Variants in NME8 observed in about 807,000 individuals in gnomAD.
The protein encoded by NME8 is protein NME8.
A neutral mutation model predicts 82.3 loss-of-function variants in NME8; 72 were observed. The ratio of observed to expected loss-of-function variants is 0.87; its 90% CI spans 0.72 to 1.06. The LOEUF (loss-of-function observed/expected upper bound fraction) is 1.06, where lower values mean the gene tolerates loss of function less well. NME8 is among the 50% of genes least tolerant of loss of function. NME8 has a pLI of 0.00. For missense variants in NME8, 712 were observed against 685.4 expected (o/e 1.04, Z -0.43); for synonymous variants, 267 against 228.5 (o/e 1.17, Z -1.52).
chr7:37,881,735 T>C (rs1439554059), intron 12 of NME8, among the ~76,000 whole-genome samples: 1 of 152,228 alleles, frequency 6.6e-6, no homozygotes, highest in Non-Finnish European at 1.5e-5. Flanking sequence ...ATTGGTGTCA[T>C]TTATTCCTTA....
chr7:37,865,101 C>T (rs1188214113), intron 9 of NME8, among the ~76,000 whole-genome samples: 2 of 152,182 alleles, frequency 1.3e-5, no homozygotes, highest in African/African-American at 4.8e-5. Flanking sequence ...ATCATGGTTT[C>T]TCAATAGTCC....
chr7:37,865,249 G>A (rs1191876246), intron 9 of NME8, among the ~76,000 whole-genome samples: 1 of 152,220 alleles, frequency 6.6e-6, no homozygotes, highest in Non-Finnish European at 1.5e-5. Flanking sequence ...CAATAGGGGT[G>A]CAGGTATTGG....
intron 7 of NME8, 131 bp downstream of exon 7, chr7:37,862,275 A>G: frequency 2.8e-6 from 2 of 708,374 alleles, no homozygotes; most frequent in East Asian, 2.7e-5. Flanking sequence ...TTAAAAAAGT[A>G]CATTACCTTT....
chr7:37,870,853 T>TC (rs1784757313), intron 11 of NME8, among the ~76,000 whole-genome samples: 1 of 152,314 alleles, frequency 6.6e-6, no homozygotes, highest in South Asian at 2.1e-4. Flanking sequence ...GGGGAAGCTT[T>TC]CCCCTGACTT....
rs3841582 is a variant in NME8 at position 37,864,463 on chromosome 7, TAAC to T, written c.528+46_528+48del. On this transcript the variant is annotated intron_variant, in intron 9 of 17. Coordinates refer to ENST00000199447, the MANE Select transcript of NME8 (RefSeq NM_016616.5). Reference sequence around the variant, plus strand: ...AACTATGATTAAATTAATTGCAAAATAACAACCTCTTAATCGTCAGTTCAAAGA... The same window carrying T: ...AACTATGATTAAATTAATTGCAAAATAACCTCTTAATCGTCAGTTCAAAGA... 0.59 allele frequency: 862,854 copies of T among 1,454,704 alleles called. 264,824 individuals carry two copies. Among genetic ancestry groups the T allele is most frequent in the Non-Finnish European group, 0.63 (664,862 of 1,056,994 alleles). 90.1% of individuals were successfully genotyped at this position (1,454,704 alleles called of 1,614,324 possible).
intron 5 of NME8, among the ~76,000 whole-genome samples, chr7:37,856,388 C>CACT (rs1784511735): frequency 6.6e-6 from 1 of 152,154 alleles, no homozygotes; most frequent in African/African-American, 2.4e-5. Context: ...AGAGGGCCTT[C>CACT]ACTTCTGGCA....
chr7:37,871,043 T>A (rs1052349841), intron 11 of NME8, among the ~76,000 whole-genome samples: 1 of 152,112 alleles, frequency 6.6e-6, no homozygotes, highest in African/African-American at 2.4e-5. Context: ...CTCTCCCCTA[T>A]CTCCCAGCCT....
intron 12 of NME8, among the ~76,000 whole-genome samples, chr7:37,882,581 AAGAAAGAAAGAAAGAAAG>A (rs1172189945): frequency 9.7e-5 from 5 of 51,728 alleles, no homozygotes; most frequent in African/African-American, 3.8e-4. Flanking sequence ...GAAAGAAAGA[AAGAAAGAAAGAAAGAAAG>A]AGAGAGAGAG....
chr7:37,872,926 A>G (rs1442712565), intron 11 of NME8, among the ~76,000 whole-genome samples: 1 of 152,216 alleles, frequency 6.6e-6, no homozygotes, highest in Admixed American at 6.5e-5. Flanking sequence ...GAAACACTGC[A>G]CACTGTGTCC....
intron 11 of NME8, among the ~76,000 whole-genome samples, chr7:37,875,402 A>G (rs1334869175): frequency 7.1e-6 from 1 of 141,160 alleles, no homozygotes; most frequent in Non-Finnish European, 1.5e-5. Context: ...ATCTGCCAAG[A>G]CACACACACA....
At position 37,857,271 on chromosome 7, in the gene NME8, C is replaced by T; in HGVS notation, c.199-3C>T. The T allele has an allele frequency of 6.2e-7, 1 of 1,606,624 alleles. No homozygotes were observed. Among genetic ancestry groups the T allele is most frequent in the East Asian group, 2.2e-5 (1 of 44,710 alleles). ...TATTATATGAAATGTTTACTTTTTCCAGGCAGAAGCTGACAACATTGTGAC... is the reference window on the plus strand; with the variant it reads ...TATTATATGAAATGTTTACTTTTTCTAGGCAGAAGCTGACAACATTGTGAC... On this transcript the variant is annotated splice_region_variant and splice_polypyrimidine_tract_variant and intron_variant, in intron 5 of 17. Transcript: ENST00000199447.
chr7:37,849,695 C>G (rs1371145018), intron 2 of NME8, among the ~76,000 whole-genome samples: 1 of 152,018 alleles, frequency 6.6e-6, no homozygotes, highest in Non-Finnish European at 1.5e-5. Flanking sequence ...CGGTGAAATT[C>G]TGTATCTACT....
chr7:37,850,320 A>C (rs377033672), intron 3 of NME8, 21 bp downstream of exon 3: 5 of 1,614,016 alleles, frequency 3.1e-6, no homozygotes, highest in Non-Finnish European at 4.2e-6. Flanking sequence ...CATATCAACA[A>C]TTCTTTATCT....
intron 6 of NME8, among the ~76,000 whole-genome samples, chr7:37,860,509 A>T (rs1295795128): frequency 2.0e-5 from 3 of 152,062 alleles, no homozygotes; most frequent in African/African-American, 7.2e-5. Flanking sequence ...GGCTTATGTG[A>T]CTTGGTTTTC....
In NME8 at chr7:37,885,174, G is replaced by C. The variant is rs202221051; in HGVS notation, c.1169G>C (p.Arg390Thr). The change falls in exon 14 of 18, where the codon AGA becomes ACA. Residue 390 changes from arginine to threonine, a missense_variant. Arg to Thr is a moderately conservative substitution (Grantham distance 71). Coordinates refer to ENST00000199447, the MANE Select transcript of NME8 (RefSeq NM_016616.5). ...CCATCTCTAGCCCTTGTTTTATTGA[G>C]AGACAATGGCTTGCAATACTGGAAA... ...SGPSLALVLLRDNGLQYWKQL... is the reference protein window; with the variant it reads ...SGPSLALVLLTDNGLQYWKQL... 237 of 1,612,788 alleles carry C rather than the reference G, an allele frequency of 1.5e-4. 1 individual carries two copies. The highest frequency in any genetic ancestry group is 8.3e-4 in the Admixed American group (50 of 59,944).
At chr7:37,878,382 A>T (rs1234350949) in intron 12 of NME8, among the ~76,000 whole-genome samples, 1 of 152,118 alleles carries the variant, frequency 6.6e-6, no homozygotes, top group Non-Finnish European at 1.5e-5. Context: ...TTTTGTGTCT[A>T]TATTCAGGAG....
chr7:37,895,285 C>A (rs1299950037), intron 16 of NME8, among the ~76,000 whole-genome samples: 2 of 152,134 alleles, frequency 1.3e-5, no homozygotes, highest in African/African-American at 2.4e-5. Flanking sequence ...ACTTTTATAA[C>A]CACCACATAG....
chr7:37,872,663 G>A (rs1282366290), intron 11 of NME8, among the ~76,000 whole-genome samples: 1 of 152,280 alleles, frequency 6.6e-6, no homozygotes, highest in East Asian at 1.9e-4. Context: ...ATATCTGAAA[G>A]TACACACAAA....
At chr7:37,850,042 C>T (rs568857448) in intron 2 of NME8, among the ~76,000 whole-genome samples, 6 of 152,016 alleles carry the variant, frequency 3.9e-5, no homozygotes, top group African/African-American at 1.4e-4. Flanking sequence ...CCCCATTTAC[C>T]CTGATGTGAT....
Sources: gnomAD v4.1 joint callset for allele counts (sites outside exome capture counted in the v4.1 genomes callset) on GRCh38, gnomAD v4.1.1 for gene constraint, MANE v1.5 for transcripts, NCBI Gene and HGNC (gene_info 2026-07-23, HGNC 2026-07-21) for gene names.